RPL24: variants seen among roughly 807,000 people sequenced by gnomAD.
RPL24 encodes ribosomal protein L24.
RPL24 carries 7 observed loss-of-function variants against 26.4 expected under a neutral mutation model. The ratio of observed to expected loss-of-function variants is 0.27; its 90% confidence interval spans 0.15 to 0.50. The LOEUF is 0.50. Ranked by LOEUF, RPL24 falls within the 20% of genes least tolerant of loss-of-function variation. RPL24 has a pLI of 0.98. For synonymous variants in RPL24, 67 were observed against 65.2 expected, an observed-to-expected ratio of 1.03 and a Z score of -0.13; for missense variants, 109 against 194.9, an observed-to-expected ratio of 0.56 and a Z score of 2.62.
At chr3:101,681,969 G>C (rs991967428) in intron 5 of RPL24, 2 of 159,322 alleles carry the variant, frequency 1.3e-5, no homozygotes, top group Non-Finnish European at 2.8e-5. Flanking sequence ...CATTGGCCAA[G>C]TAATTGGTTA....
chr3:101,682,422 T>A lies in RPL24; in HGVS notation c.393+7A>T, dbSNP rs762418107. ...TGTTCAAGAAAGTAAAGAAACCCCA[T>A]AATTACCTTAGCAGCAGCCATTGCA... On this transcript the variant is annotated splice_region_variant and intron_variant, in intron 5 of 5. Transcript: ENST00000394077. 3 of 1,609,730 alleles carry A rather than the reference T, an allele frequency of 1.9e-6. No individual in the cohort carries two copies. The highest frequency in any genetic ancestry group is 3.3e-5 in the Admixed American group (2 of 60,014).
chr3:101,682,293 G>A, intron 5 of RPL24, 136 bp downstream of exon 5: 1 of 720,248 alleles, frequency 1.4e-6, no homozygotes, highest in Non-Finnish European at 2.5e-6. Context: ...TTGAACCCGG[G>A]AGGCAGAGGT....
intron 3 of RPL24, among the ~76,000 whole-genome samples, chr3:101,683,601 C>G (rs950876725): frequency 7.5e-6 from 1 of 133,354 alleles, no homozygotes. Flanking sequence ...CAGTAAATGG[C>G]AGTATTTACC....
intron 4 of RPL24, 103 bp from the exon 5 acceptor site, chr3:101,682,595 T>A (rs541747150): frequency 5.2e-6 from 6 of 1,143,088 alleles, no homozygotes; most frequent in East Asian, 4.7e-5. Context: ...ACCATATTCC[T>A]TCCTTCCCTA....
At chr3:101,683,029 T>C in intron 3 of RPL24, 122 bp from the exon 4 acceptor site, 1 of 853,890 alleles carries the variant, frequency 1.2e-6, no homozygotes, top group South Asian at 2.1e-5. Context: ...CAACAAAAAA[T>C]AATTCATATA....
At chr3:101,686,121 G>A (rs1187096425) in intron 2 of RPL24, 193 bp from the exon 3 acceptor site, 2 of 579,522 alleles carry the variant, frequency 3.5e-6, no homozygotes, top group African/African-American at 3.7e-5. Context: ...CTTGCGTTTA[G>A]TCTTTTCTCG....
intron 2 of RPL24, 180 bp downstream of exon 2, chr3:101,686,302 A>G (rs768402599): frequency 3.3e-6 from 2 of 605,670 alleles, no homozygotes; most frequent in South Asian, 2.0e-5. Context: ...CTGGCTCACA[A>G]TAAATAATCA....
intron 2 of RPL24, chr3:101,686,135 G>A: frequency 5.2e-6 from 3 of 577,820 alleles, no homozygotes; most frequent in Non-Finnish European, 9.3e-6. Context: ...TTTCTCGAGA[G>A]CAGGAAATCT....
At chr3:101,682,176 A>G in intron 5 of RPL24, 1 of 423,348 alleles carries the variant, frequency 2.4e-6, no homozygotes, top group East Asian at 4.7e-5. Flanking sequence ...ACATGGTGAA[A>G]CCCTGTCTCT....
intron 3 of RPL24, among the ~76,000 whole-genome samples, chr3:101,685,077 T>A (rs1937318726): frequency 6.6e-6 from 1 of 152,062 alleles, no homozygotes; most frequent in African/African-American, 2.4e-5. Context: ...TGTTTACCCT[T>A]TTGAGAAAAC....
At chr3:101,686,050 C>A in intron 2 of RPL24, 122 bp from the exon 3 acceptor site, 1 of 652,218 alleles carries the variant, frequency 1.5e-6, no homozygotes, top group Non-Finnish European at 2.7e-6. Context: ...AAAACTGAGG[C>A]CCACAAGGAC....
intron 3 of RPL24, among the ~76,000 whole-genome samples, chr3:101,684,055 T>C (rs916929593): frequency 7.6e-4 from 116 of 152,238 alleles, no homozygotes; most frequent in African/African-American, 2.2e-4. Context: ...TTCACTACTA[T>C]GTTGCCAGGT....
intron 3 of RPL24, among the ~76,000 whole-genome samples, chr3:101,684,512 C>T (rs926820954): frequency 1.3e-5 from 2 of 152,002 alleles, no homozygotes; most frequent in Admixed American, 1.3e-4. Flanking sequence ...TGCAGGATGG[C>T]TCGCGCCTGT....
chr3:101,684,708 G>C (rs1487091180), intron 3 of RPL24, among the ~76,000 whole-genome samples: 3 of 134,726 alleles, frequency 2.2e-5, no homozygotes, highest in Non-Finnish European at 4.6e-5. Context: ...GAGCCCATAA[G>C]GTTGAGGTGG....
chr3:101,685,753 C>G lies in RPL24; in HGVS notation c.192+65G>C, dbSNP rs1055101592. The stretch of plus-strand genomic sequence containing the variant: ...TGATTTAATTTTACAGAGCAGAAAA[C>G]CAACGTTCAGAGAGCTTTGACAACT... On this transcript the variant is annotated intron_variant, in intron 3 of 5. Coordinates refer to ENST00000394077, the MANE Select transcript of RPL24 (RefSeq NM_000986.4). The G allele has an allele frequency of 3.8e-5, 34 of 897,932 alleles. No homozygotes were observed. In the Middle Eastern group the frequency reaches 1.3e-3, roughly 36 times the overall value. 55.6% of individuals were successfully genotyped at this position (897,932 alleles called of 1,614,324 possible).
At chr3:101,684,079 C>A (rs564613698) in intron 3 of RPL24, among the ~76,000 whole-genome samples, 1 of 152,142 alleles carries the variant, frequency 6.6e-6, no homozygotes, top group African/African-American at 2.4e-5. Context: ...TTTCAAACTC[C>A]TGGGCTCAAG....
chr3:101,681,317 A>C (rs148283509), intron 5 of RPL24, 102 bp from the exon 6 acceptor site: 10,349 of 794,604 alleles, frequency 0.013, 119 homozygotes, highest in Middle Eastern at 0.041. Flanking sequence ...TCACTTTCTT[A>C]GTAATTTAAC....
chr3:101,684,333 T>A (rs959070362), intron 3 of RPL24, among the ~76,000 whole-genome samples: 3 of 151,252 alleles, frequency 2.0e-5, no homozygotes, highest in African/African-American at 7.3e-5. Flanking sequence ...GTCCGGCTAA[T>A]TTTTTTTTGT....
chr3:101,682,320 C>T (rs1233112145), intron 5 of RPL24, 109 bp downstream of exon 5: 1 of 853,174 alleles, frequency 1.2e-6, no homozygotes, highest in African/African-American at 1.7e-5. Context: ...GAGCTGAGAT[C>T]AGATCACGCC....
Sources: gnomAD v4.1 joint callset for allele counts (sites outside exome capture counted in the v4.1 genomes callset) on GRCh38, gnomAD v4.1.1 for gene constraint, MANE v1.5 for transcripts, NCBI Gene and HGNC (gene_info 2026-07-23, HGNC 2026-07-21) for gene names.